SRGAP1: variants seen among roughly 807,000 people sequenced by gnomAD.
SRGAP1 encodes the protein SLIT-ROBO Rho GTPase-activating protein 1.
SRGAP1 carries 43 observed loss-of-function variants against 121.9 expected under a neutral mutation model. That is an observed-to-expected ratio of 0.35 (90% CI 0.28 to 0.46). SRGAP1 has a LOEUF of 0.46. Ranked by LOEUF, SRGAP1 falls within the 20% of genes least tolerant of loss-of-function variation. The pLI is 1.00. For missense variants in SRGAP1, 1,102 were observed against 1,350.9 expected (o/e 0.82, Z 2.89); for synonymous variants, 447 against 485.4 (o/e 0.92, Z 1.04).
chr12:63,978,330 C>A (rs1197034803), intron 1 of SRGAP1, among the ~76,000 whole-genome samples: 2 of 152,136 alleles, frequency 1.3e-5, no homozygotes. Context: ...ATTTTTATTA[C>A]CCTATAAAGA....
At chr12:64,039,944 A>G (rs965204858) in intron 4 of SRGAP1, among the ~76,000 whole-genome samples, 8 of 138,448 alleles carry the variant, frequency 5.8e-5, no homozygotes, top group East Asian at 2.1e-4. Context: ...CAACTTTCCA[A>G]TTACACACGG....
rs1013304673 is a variant in SRGAP1 at position 64,158,553 on chromosome 12, T to C, written c.*15881T>C. 1.9e-4 allele frequency: 29 copies of C among 152,088 alleles called. No individual in the cohort carries two copies. The highest frequency in any genetic ancestry group is 6.5e-4 in the African/African-American group (27 of 41,420). 9.4% of individuals were successfully genotyped at this position (152,088 alleles called of 1,614,324 possible). On this transcript the variant is annotated 3_prime_UTR_variant, in exon 22 of 22. Coordinates refer to ENST00000355086, the MANE Select transcript of SRGAP1 (RefSeq NM_020762.4). ...TTTAAGTCTAGTAAATAATTAGGAT[T>C]ATGAGGTCAGGAGTTTGAGACCAGC...
rs773124161 is a variant in SRGAP1, at chr12:64,094,976, G to T, written c.1584G>T (p.Arg528=). The T allele has an allele frequency of 6.2e-7, 1 of 1,614,030 alleles. No homozygotes were observed. Among genetic ancestry groups the T allele is most frequent in the South Asian group, 1.1e-5 (1 of 91,076 alleles). ...VIPLIVESCI[R]FINLYGLQHQ... is the part of the protein sequence containing the mutation. ...CCCTCATTGTGGAAAGCTGTATTCG[G>T]TTCATCAATCTCTATGGTAAGCCAT... The change falls in exon 13 of 22, where the codon CGG becomes CGT. Residue 528 remains arginine (R), a synonymous_variant. Transcript: ENST00000355086.
chr12:63,854,258 T>G (rs1899165965), intron 1 of SRGAP1, among the ~76,000 whole-genome samples: 1 of 152,216 alleles, frequency 6.6e-6, no homozygotes, highest in Non-Finnish European at 1.5e-5. Flanking sequence ...TTTGTAGCTT[T>G]CTTTATAGTT....
At chr12:63,900,421 G>A (rs571591673) in intron 1 of SRGAP1, among the ~76,000 whole-genome samples, 1 of 151,762 alleles carries the variant, frequency 6.6e-6, no homozygotes, top group African/African-American at 2.4e-5. Context: ...TAGCCAGATA[G>A]TATCAATCTC....
At chr12:64,030,936 A>G (rs1459740669) in intron 4 of SRGAP1, among the ~76,000 whole-genome samples, 1 of 152,234 alleles carries the variant, frequency 6.6e-6, no homozygotes, top group African/African-American at 2.4e-5. Flanking sequence ...GGCATAGCAC[A>G]GTGGACTCCT....
chr12:63,996,918 A>G (rs984701354), intron 3 of SRGAP1, among the ~76,000 whole-genome samples: 2 of 152,138 alleles, frequency 1.3e-5, no homozygotes, highest in African/African-American at 4.8e-5. Flanking sequence ...ATATTTTAGA[A>G]AATATTTTTA....
intron 1 of SRGAP1, among the ~76,000 whole-genome samples, chr12:63,962,389 T>A (rs1266568688): frequency 1.3e-5 from 2 of 152,130 alleles, no homozygotes; most frequent in Admixed American, 6.5e-5. Flanking sequence ...CCTTGACCAA[T>A]GGTTTGGTGA....
chr12:63,895,758 T>C (rs1396238345), intron 1 of SRGAP1, among the ~76,000 whole-genome samples: 1 of 152,228 alleles, frequency 6.6e-6, no homozygotes, highest in Non-Finnish European at 1.5e-5. Flanking sequence ...TAGACAAAGA[T>C]AGAAGTTGGG....
chr12:63,943,157 T>A (rs529795872), intron 1 of SRGAP1, among the ~76,000 whole-genome samples: 3 of 152,340 alleles, frequency 2.0e-5, no homozygotes, highest in Admixed American at 6.5e-5. Context: ...TCTGTATTAA[T>A]GGTCATTCAA....
chr12:64,140,491 TC>T (rs1291766763), intron 21 of SRGAP1, among the ~76,000 whole-genome samples: 1 of 151,470 alleles, frequency 6.6e-6, no homozygotes, highest in East Asian at 1.9e-4. Context: ...GGTATTTTAT[TC>T]TCTTTGAAGC....
At chr12:64,021,237 A>G (rs990911997) in intron 4 of SRGAP1, among the ~76,000 whole-genome samples, 2 of 152,224 alleles carry the variant, frequency 1.3e-5, no homozygotes, top group Admixed American at 1.3e-4. Flanking sequence ...TGGTTCCACC[A>G]GGCTGCAAGG....
chr12:64,128,927 T>C (rs989402130), intron 21 of SRGAP1, among the ~76,000 whole-genome samples: 3 of 152,142 alleles, frequency 2.0e-5, no homozygotes, highest in African/African-American at 7.2e-5. Context: ...TTCTACCATT[T>C]TTCCCTCTGG....
At chr12:63,877,711 G>A (rs1436004739) in intron 1 of SRGAP1, among the ~76,000 whole-genome samples, 1 of 152,148 alleles carries the variant, frequency 6.6e-6, no homozygotes, top group Admixed American at 6.5e-5. Flanking sequence ...GGTGTCTACT[G>A]GCAACACTAG....
intron 1 of SRGAP1, among the ~76,000 whole-genome samples, chr12:63,885,253 T>C (rs1592914986): frequency 6.6e-6 from 1 of 152,290 alleles, no homozygotes; most frequent in African/African-American, 2.4e-5. Flanking sequence ...TTTCCTTTTT[T>C]GGTTCAATTA....
intron 8 of SRGAP1, among the ~76,000 whole-genome samples, chr12:64,077,666 A>G (rs1485206987): frequency 6.6e-6 from 1 of 151,982 alleles, no homozygotes; most frequent in African/African-American, 2.4e-5. Context: ...TTAATAAATA[A>G]ATAAGCTCCT....
intron 1 of SRGAP1, among the ~76,000 whole-genome samples, chr12:63,951,249 C>T (rs865938387): frequency 2.7e-5 from 4 of 147,186 alleles, no homozygotes; most frequent in South Asian, 2.1e-4. Flanking sequence ...CTGCAACCTC[C>T]GCTTTCCGGG....
At chr12:63,900,881 G>A (rs2029895327) in intron 1 of SRGAP1, among the ~76,000 whole-genome samples, 1 of 152,120 alleles carries the variant, frequency 6.6e-6, no homozygotes, top group Non-Finnish European at 1.5e-5. Flanking sequence ...AAAAAACAAT[G>A]TATGCTAAAG....
rs545444377 is a variant in SRGAP1 at position 63,968,183 on chromosome 12, C to G, written c.68-15764C>G. Among the ~76,000 whole-genome samples, 30 of 152,254 alleles carry G rather than the reference C, an allele frequency of 2.0e-4. No individual in the cohort carries two copies. The East Asian group carries it at 5.8e-3, about 29-fold the overall frequency. On this transcript the variant is annotated intron_variant, in intron 1 of 21. Coordinates refer to ENST00000355086, the MANE Select transcript of SRGAP1 (RefSeq NM_020762.4). ...TATTATTGATGTGAATTTTGTTCCTCTTATATTTATGACAAGGTATTAATT... is the reference window on the plus strand; with the variant it reads ...TATTATTGATGTGAATTTTGTTCCTGTTATATTTATGACAAGGTATTAATT...
Sources: allele counts gnomAD v4.1 joint callset (sites outside exome capture counted in the v4.1 genomes callset), GRCh38; gene constraint gnomAD v4.1.1; transcripts MANE v1.5; gene names NCBI Gene and HGNC (gene_info 2026-07-23, HGNC 2026-07-21).